MRC2: variants seen among roughly 807,000 people sequenced by gnomAD.
MRC2 encodes the protein C-type mannose receptor 2.
In MRC2, 84 loss-of-function variants were observed where a neutral mutation model predicts 206.2. The observed-to-expected ratio is 0.41, with a 90% CI of 0.34 to 0.49. MRC2 has a LOEUF of 0.49. MRC2 is among the 20% of genes least tolerant of loss of function. The pLI is 0.31. For missense variants in MRC2, 1,676 were observed against 2,001.5 expected, an observed-to-expected ratio of 0.84 and a Z score of 3.10; for synonymous variants, 798 against 800.0, an observed-to-expected ratio of 1.00 and a Z score of 0.04.
Position 62,693,493 on chromosome 17 carries a change from C to T in MRC2, c.*1042C>T, listed in dbSNP as rs1201608413. 6.6e-6 allele frequency: 1 copy of T among 152,444 alleles called. No individual in the cohort carries two copies. The highest frequency in any genetic ancestry group is 2.4e-5 in the African/African-American group (1 of 41,374). 9.4% of individuals were successfully genotyped at this position (152,444 alleles called of 1,614,324 possible). On this transcript the variant is annotated 3_prime_UTR_variant, in exon 30 of 30. Transcript: ENST00000303375. ...GTGAACATGGACTCGAAGACATGGCCCTTTCTCTGTAGTTGATTTTTTAAA... is the reference window on the plus strand; with the variant it reads ...GTGAACATGGACTCGAAGACATGGCTCTTTCTCTGTAGTTGATTTTTTAAA...
chr17:62,682,640 AT>A (rs1437659287), intron 20 of MRC2, among the ~76,000 whole-genome samples: 457 of 138,256 alleles, frequency 3.3e-3, no homozygotes, highest in Middle Eastern at 7.4e-3. Context: ...ATTGCCAAAG[AT>A]TTTTTTTTTT....
chr17:62,674,647 C>G (rs961849116), intron 9 of MRC2, among the ~76,000 whole-genome samples: 2 of 152,222 alleles, frequency 1.3e-5, no homozygotes, highest in African/African-American at 4.8e-5. Context: ...TGCACCTTCC[C>G]CCTCCTTGTG....
intron 1 of MRC2, among the ~76,000 whole-genome samples, chr17:62,640,161 A>G (rs910321836): frequency 1.3e-5 from 2 of 151,388 alleles, no homozygotes; most frequent in African/African-American, 4.9e-5. Flanking sequence ...GTGAGCCACC[A>G]CGCCTGGCCA....
chr17:62,692,268 G>T lies in MRC2; in HGVS notation c.4257G>T (p.Leu1419=). ...ACCCAGCGGCCCTGGTGGTGGTGCT[G>T]ATGGCGGTGCTGCTGCTCCTGGCCT... ...PENPAALVVV[L]MAVLLLLALL... The change falls in exon 30 of 30, where the codon CTG becomes CTT. Residue 1419 remains leucine (L), a synonymous_variant. Coordinates refer to ENST00000303375, the MANE Select transcript of MRC2 (RefSeq NM_006039.5). This position sits in a 1 kb window ranked among gnomAD's most constrained non-coding sequence, Gnocchi z 4.2. 1 of 1,606,514 alleles carries T rather than the reference G, an allele frequency of 6.2e-7. No homozygotes were observed. Among genetic ancestry groups the T allele is most frequent in the African/African-American group, 1.3e-5 (1 of 74,998 alleles).
At chr17:62,655,975 A>G (rs2147454407) in intron 1 of MRC2, among the ~76,000 whole-genome samples, 2 of 152,210 alleles carry the variant, frequency 1.3e-5, no homozygotes, top group African/African-American at 4.8e-5. Context: ...CTACTGCCTC[A>G]GACTCCTCGG....
In MRC2 at chr17:62,682,376, A is replaced by G. The variant is rs751677167; in HGVS notation, c.2945A>G (p.Lys982Arg). 7 of 1,603,962 alleles carry G rather than the reference A, an allele frequency of 4.4e-6. No individual in the cohort carries two copies. Among genetic ancestry groups the G allele is most frequent in the Non-Finnish European group, 5.1e-6 (6 of 1,175,856 alleles). The change falls in exon 20 of 30, where the codon AAG (lysine) becomes AGG (arginine). Residue 982 changes from lysine to arginine, a missense_variant and splice_region_variant. By Grantham distance (26) the Lys-to-Arg change is conservative. Coordinates refer to ENST00000303375, the MANE Select transcript of MRC2 (RefSeq NM_006039.5). Reference protein sequence around the residue: ...CPSDWIQFLNKCFQVQGQEPQ... With the variant: ...CPSDWIQFLNRCFQVQGQEPQ... The stretch of plus-strand genomic sequence containing the variant: ...TCTGACTGGATCCAGTTCCTCAACA[A>G]GGTAGGAGGTGGCAATGGGGCACCC...
intron 20 of MRC2, among the ~76,000 whole-genome samples, chr17:62,684,919 T>C (rs921584224): frequency 1.3e-4 from 20 of 152,276 alleles, no homozygotes; most frequent in African/African-American, 4.6e-4. Flanking sequence ...GGCGGGTGGA[T>C]CACCTGAGAT....
In MRC2 at chr17:62,676,417, A is replaced by T; in HGVS notation, c.1720A>T (p.Asn574Tyr). ...GGCCTTCGTCAGCAGCCTCATCTAC[A>T]ACTGGGAGGGCGAGTACTTCTGGAC... is the stretch of plus-strand genomic sequence containing the variant. ...EQAFVSSLIY[N>Y]WEGEYFWTAL... The change falls in exon 11 of 30, where the codon AAC becomes TAC. Residue 574 changes from asparagine to tyrosine, a missense_variant. Asn to Tyr is a moderately radical substitution (Grantham distance 143). Around this residue, in one of 3 missense-constraint regions of MRC2, gnomAD observed 1,354 missense variants for 1,636.6 expected, o/e 0.83. Coordinates refer to ENST00000303375, the MANE Select transcript of MRC2 (RefSeq NM_006039.5). The T allele has an allele frequency of 1.2e-6, 2 of 1,614,060 alleles. No individual in the cohort carries two copies. The highest frequency in any genetic ancestry group is 1.7e-6 in the Non-Finnish European group (2 of 1,179,976).
At position 62,689,655 on chromosome 17, in the gene MRC2, C is replaced by T. The variant is rs2089078456; in HGVS notation, c.3468C>T (p.Arg1156=). The change falls in exon 24 of 30, where the codon CGC becomes CGT. Residue 1156 remains arginine, a synonymous_variant. Transcript: ENST00000303375. The part of the protein sequence containing the change: ...WHDALLLCES[R]NASLAYVPDP... ...ATGCCCTCCTGCTGTGTGAGAGCCG[C>T]AATGCCAGCCTGGCCTACGTGCCCG... The T allele has an allele frequency of 6.3e-7, 1 of 1,594,820 alleles. No individual in the cohort carries two copies.
rs927126027 is a variant in MRC2, at chr17:62,652,665, G to A, written c.119-11883G>A. 2.6e-5 allele frequency among the ~76,000 whole-genome samples: 4 copies of A among 152,134 alleles called. No homozygotes were observed. The highest frequency in any genetic ancestry group is 9.7e-5 in the African/African-American group (4 of 41,406). ...GGGCATTTGTCTAGCTGGGCGGGAGGCGGCGGAGCGGGAAGTGCCACAGAT... is the reference window on the plus strand; with the variant it reads ...GGGCATTTGTCTAGCTGGGCGGGAGACGGCGGAGCGGGAAGTGCCACAGAT... On this transcript the variant is annotated intron_variant, in intron 1 of 29. Transcript: ENST00000303375. The surrounding 1 kb of genome is among the most constrained non-coding windows in gnomAD (Gnocchi z 4.6).
At chr17:62,663,288 C>T (rs2088703500) in intron 1 of MRC2, among the ~76,000 whole-genome samples, 1 of 150,558 alleles carries the variant, frequency 6.6e-6, no homozygotes, top group African/African-American at 2.4e-5. Flanking sequence ...CTCTTTCCTC[C>T]TTCCTACCCT....
At chr17:62,630,443 C>T (rs1158048517) in intron 1 of MRC2, among the ~76,000 whole-genome samples, 2 of 152,050 alleles carry the variant, frequency 1.3e-5, no homozygotes, top group Non-Finnish European at 2.9e-5. Context: ...CAGGAGAGAC[C>T]GTATGGGCCA....
intron 26 of MRC2, 139 bp from the exon 27 acceptor site, chr17:62,690,503 T>TGCAC: frequency 3.6e-6 from 5 of 1,396,710 alleles, no homozygotes; most frequent in Non-Finnish European, 4.9e-6. Flanking sequence ...CTTGCACATG[T>TGCAC]GCACACACAC....
In MRC2 at chr17:62,676,578, A is replaced by C. The variant is rs767971100; in HGVS notation, c.1834+47A>C. On this transcript the variant is annotated intron_variant, in intron 11 of 29. Transcript: ENST00000303375. ...CCTTGGTGAAGCGAGGAGGGAGGCC[A>C]GGGTGGACTGGCCCTGCCAGCACCG... is the stretch of plus-strand genomic sequence containing the variant. 9.1e-6 allele frequency: 14 copies of C among 1,544,732 alleles called. No homozygotes were observed. The South Asian group carries it at 1.8e-4, about 20-fold the overall frequency.
chr17:62,628,998 G>C (rs115491860), intron 1 of MRC2, among the ~76,000 whole-genome samples: 3 of 152,174 alleles, frequency 2.0e-5, no homozygotes, highest in African/African-American at 7.2e-5. Context: ...TTGGCCTGGC[G>C]TGACGTAGGC....
At chr17:62,628,012 C>G (rs919306157) in intron 1 of MRC2, 92 bp downstream of exon 1, 68 of 827,772 alleles carry the variant, frequency 8.2e-5, no homozygotes, top group Non-Finnish European at 1.0e-4. Context: ...CTTTTCCCCC[C>G]TCTTTTCTCC....
chr17:62,690,509 C>A, intron 26 of MRC2, 133 bp from the exon 27 acceptor site: 2 of 1,401,722 alleles, frequency 1.4e-6, no homozygotes, highest in Non-Finnish European at 1.9e-6. Context: ...CATGTGCACA[C>A]ACACACACAT....
chr17:62,632,510 T>A (rs922367432), intron 1 of MRC2, among the ~76,000 whole-genome samples: 1 of 152,198 alleles, frequency 6.6e-6, no homozygotes, highest in Admixed American at 6.5e-5. Context: ...AACTTCTTCC[T>A]AGTTTCCCCG....
chr17:62,686,885 T>G (rs371899182), intron 20 of MRC2, among the ~76,000 whole-genome samples: 2 of 152,258 alleles, frequency 1.3e-5, no homozygotes, highest in East Asian at 1.9e-4. Flanking sequence ...GCATTATTTC[T>G]GGGCTTACAA....
Sources: allele counts gnomAD v4.1 joint callset (sites outside exome capture counted in the v4.1 genomes callset), GRCh38; gene constraint gnomAD v4.1.1; regional missense constraint gnomAD v4.1.1; non-coding constraint Gnocchi (gnomAD v3.1); transcripts MANE v1.5; gene names NCBI Gene and HGNC (gene_info 2026-07-23, HGNC 2026-07-21).